The following FARP1 variants were observed in gnomAD, a reference collection of about 807,000 sequenced individuals.
FARP1 encodes the protein FERM, ARHGEF and pleckstrin domain-containing protein 1.
A neutral mutation model predicts 128.8 loss-of-function variants in FARP1; 52 were observed. The observed-to-expected ratio is 0.40, with a 90% CI of 0.32 to 0.51. FARP1 has a LOEUF of 0.51. Ranked by LOEUF, FARP1 falls within the 20% of genes least tolerant of loss-of-function variation. FARP1 has a pLI of 0.45. For synonymous variants in FARP1, 580 were observed against 551.8 expected (o/e 1.05, Z -0.72); for missense variants, 1,333 against 1,367.9 (o/e 0.97, Z 0.40).
chr13:98,242,538 G>A (rs200207922), intron 2 of FARP1, among the ~76,000 whole-genome samples: 2 of 152,216 alleles, frequency 1.3e-5, no homozygotes, highest in South Asian at 2.1e-4. Flanking sequence ...AGGTAGCCAC[G>A]TGTGGTGCTG....
At chr13:98,201,805 G>A (rs1211306967) in intron 1 of FARP1, among the ~76,000 whole-genome samples, 2 of 152,204 alleles carry the variant, frequency 1.3e-5, no homozygotes, top group Non-Finnish European at 2.9e-5. Context: ...AGAAGGAACA[G>A]TGAAGCGAGA....
chr13:98,226,973 C>T (rs909128760), intron 2 of FARP1, among the ~76,000 whole-genome samples: 1 of 151,766 alleles, frequency 6.6e-6, no homozygotes, highest in Non-Finnish European at 1.5e-5. Flanking sequence ...TGGAGTCTTG[C>T]TCTGTTGTCC....
chr13:98,283,658 C>A (rs1272287790), intron 2 of FARP1, among the ~76,000 whole-genome samples: 1 of 152,166 alleles, frequency 6.6e-6, no homozygotes, highest in Admixed American at 6.5e-5. Context: ...GGAGAAAGCA[C>A]CCTGAAGGTT....
In FARP1 at chr13:98,379,161, T is replaced by A. The variant is rs1450585682; in HGVS notation, c.496+1243T>A. Among the ~76,000 whole-genome samples, 27 of 113,390 alleles carry A rather than the reference T, an allele frequency of 2.4e-4. 4 individuals carry two copies. Among genetic ancestry groups the A allele is most frequent in the Non-Finnish European group, 4.2e-4 (25 of 59,606 alleles). The allele number at this position is 113,390 out of a possible 152,430, so 74.4% of individuals were successfully genotyped here. On this transcript the variant is annotated intron_variant, in intron 6 of 26. Transcript: ENST00000319562. ...ATATAATCTATATATAATATATATA[T>A]AATATATAATCTATATATAATATAT...
At chr13:98,374,260 A>C (rs575954214) in intron 5 of FARP1, among the ~76,000 whole-genome samples, 1 of 152,232 alleles carries the variant, frequency 6.6e-6, no homozygotes, top group Admixed American at 6.5e-5. Context: ...CTGTCTCTAC[A>C]AAAAATTTTA....
intron 16 of FARP1, among the ~76,000 whole-genome samples, chr13:98,418,625 G>A (rs781166634): frequency 6.6e-6 from 1 of 152,140 alleles, no homozygotes; most frequent in East Asian, 1.9e-4. Context: ...TGGATTTTCT[G>A]CCTTAGTCGT....
intron 8 of FARP1, among the ~76,000 whole-genome samples, chr13:98,387,118 T>C (rs1890126281): frequency 6.6e-6 from 1 of 152,122 alleles, no homozygotes; most frequent in Non-Finnish European, 1.5e-5. Context: ...CTGGTCAACA[T>C]GGTGAAACCC....
intron 8 of FARP1, among the ~76,000 whole-genome samples, chr13:98,386,208 T>TC (rs58310560): frequency 1.4e-5 from 2 of 146,054 alleles, no homozygotes; most frequent in Admixed American, 6.8e-5. Context: ...TTTTTTTTTT[T>TC]CAAACACAGT....
At chr13:98,142,870 C>T (rs1245400122), upstream of FARP1, 3 of 152,034 alleles carry the variant, frequency 2.0e-5, no homozygotes, top group Non-Finnish European at 4.4e-5. Flanking sequence ...CGGCCCTGGC[C>T]GGAAGCCCAA....
chr13:98,169,165 G>A (rs559635481), intron 1 of FARP1, among the ~76,000 whole-genome samples: 1 of 152,176 alleles, frequency 6.6e-6, no homozygotes, highest in Non-Finnish European at 1.5e-5. Flanking sequence ...TAGCCATTCA[G>A]TTCCCCCATC....
At chr13:98,328,395 T>C (rs1429033663) in intron 2 of FARP1, 1 of 152,236 alleles carries the variant, frequency 6.6e-6, no homozygotes, top group Non-Finnish European at 1.5e-5. Flanking sequence ...ATTTTATTTT[T>C]CTTTCTTCTT....
At chr13:98,336,841 T>C (rs536090924) in intron 2 of FARP1, among the ~76,000 whole-genome samples, 7 of 152,342 alleles carry the variant, frequency 4.6e-5, no homozygotes, top group African/African-American at 1.7e-4. Context: ...TAGAGCATCA[T>C]TAAAAGTAGC....
chr13:98,269,837 T>TG (rs753668490), intron 2 of FARP1, among the ~76,000 whole-genome samples: 2 of 152,222 alleles, frequency 1.3e-5, no homozygotes, highest in Non-Finnish European at 2.9e-5. Flanking sequence ...TACCATGGGC[T>TG]GGGCCCAGTG....
chr13:98,453,649 G>T lies in FARP1; in HGVS notation c.*5332G>T, dbSNP rs147966410. On this transcript the variant is annotated 3_prime_UTR_variant, in exon 27 of 27. Transcript: ENST00000319562. ...GAATCTATTTCCTAGAACTGCTTCC[G>T]AAATATGGTCCAAAGCAGGAACAAC... 731 of 155,310 alleles carry T rather than the reference G, an allele frequency of 4.7e-3. 20 individuals carry two copies. Among genetic ancestry groups the T allele is most frequent in the Non-Finnish European group, 8.2e-4 (58 of 70,392 alleles). The allele number at this position is 155,310 out of a possible 1,614,324, so 9.6% of individuals were successfully genotyped here.
At chr13:98,273,892 TC>T (rs1413163244) in intron 2 of FARP1, among the ~76,000 whole-genome samples, 1 of 152,102 alleles carries the variant, frequency 6.6e-6, no homozygotes, top group Non-Finnish European at 1.5e-5. Context: ...TCATCTTCTT[TC>T]CCCCACAAAA....
At chr13:98,292,845 G>GA (rs1188280325) in intron 2 of FARP1, among the ~76,000 whole-genome samples, 2 of 152,150 alleles carry the variant, frequency 1.3e-5, no homozygotes, top group Admixed American at 1.3e-4. Context: ...CCCTTCAGTT[G>GA]AAACATTTAT....
intron 2 of FARP1, among the ~76,000 whole-genome samples, chr13:98,300,265 G>C (rs1307909580): frequency 1.3e-5 from 2 of 152,192 alleles, no homozygotes; most frequent in Non-Finnish European, 2.9e-5. Context: ...GTGTGGGGAC[G>C]ACAGGCTTTC....
At chr13:98,155,577 G>A (rs1876448452) in intron 1 of FARP1, among the ~76,000 whole-genome samples, 1 of 152,024 alleles carries the variant, frequency 6.6e-6, no homozygotes, top group Non-Finnish European at 1.5e-5. Context: ...GCTTGAGTGT[G>A]GTGTGATCTC....
At chr13:98,170,554 C>T (rs1247627605) in intron 1 of FARP1, among the ~76,000 whole-genome samples, 3 of 151,506 alleles carry the variant, frequency 2.0e-5, no homozygotes, top group African/African-American at 4.8e-5. Flanking sequence ...GATGGGGTTT[C>T]ACCGTGTTAG....
Sources: gnomAD v4.1 joint callset for allele counts (sites outside exome capture counted in the v4.1 genomes callset) on GRCh38, gnomAD v4.1.1 for gene constraint, MANE v1.5 for transcripts, NCBI Gene and HGNC (gene_info 2026-07-23, HGNC 2026-07-21) for gene names.